The following YES1 variants were observed in gnomAD, a reference collection of about 807,000 sequenced individuals.
YES1 encodes tyrosine-protein kinase Yes.
In YES1, 39 loss-of-function variants were observed where a neutral mutation model predicts 70.4. That is an observed-to-expected ratio of 0.55 (90% CI 0.43 to 0.72). The LOEUF is 0.72. Among genes scored for constraint, YES1 ranks in the 30% least tolerant of loss-of-function variants. The pLI is 0.00. For missense variants in YES1, 495 were observed against 644.8 expected, an observed-to-expected ratio of 0.77 and a Z score of 2.52; for synonymous variants, 198 against 218.6, an observed-to-expected ratio of 0.91 and a Z score of 0.83.
chr18:765,652 C>T (rs1213151328), intron 1 of YES1, among the ~76,000 whole-genome samples: 2 of 152,100 alleles, frequency 1.3e-5, no homozygotes, highest in Non-Finnish European at 2.9e-5. Flanking sequence ...CCCACCCTGG[C>T]CTCTCAAAGT....
intron 2 of YES1, among the ~76,000 whole-genome samples, chr18:754,823 A>T (rs1317555635): frequency 1.3e-5 from 2 of 152,146 alleles, no homozygotes; most frequent in African/African-American, 4.8e-5. Context: ...ATAGCATTTA[A>T]GGATCATTAA....
At chr18:746,343 AC>A (rs1476955501) in intron 4 of YES1, among the ~76,000 whole-genome samples, 3 of 152,132 alleles carry the variant, frequency 2.0e-5, no homozygotes, top group Non-Finnish European at 4.4e-5. Flanking sequence ...AAAATAACAG[AC>A]CCTTTCTGTC....
Position 787,190 on chromosome 18 carries a change from C to T in YES1, c.-9+24924G>A, listed in dbSNP as rs1568214663. Among the ~76,000 whole-genome samples the T allele has an allele frequency of 4.8e-5, 7 of 145,718 alleles. No homozygotes were observed. The South Asian group carries it at 1.5e-3, about 32-fold the overall frequency. The stretch of plus-strand genomic sequence containing the variant: ...TCTCAGCTCACTGCAACCTCCACCT[C>T]CCGGGTTCAAGAGATTCTCCTGCCT... On this transcript the variant is annotated intron_variant, in intron 1 of 11. Transcript: ENST00000314574.
chr18:807,051 C>A (rs560599445), intron 1 of YES1, among the ~76,000 whole-genome samples: 61 of 152,326 alleles, frequency 4.0e-4, no homozygotes, highest in African/African-American at 1.4e-3. Flanking sequence ...AGGTGGACTG[C>A]TGGAGCCTAA....
intron 1 of YES1, among the ~76,000 whole-genome samples, chr18:784,179 G>A (rs781189639): frequency 6.6e-6 from 1 of 152,014 alleles, no homozygotes; most frequent in Admixed American, 6.6e-5. Context: ...TATTTAAGAA[G>A]AATTAAGATG....
chr18:800,141 T>C (rs563454492), intron 1 of YES1, among the ~76,000 whole-genome samples: 1 of 152,344 alleles, frequency 6.6e-6, no homozygotes, highest in South Asian at 2.1e-4. Context: ...AGTCTGCCAC[T>C]TCAAAGAGTC....
At chr18:765,284 A>C (rs1393077105) in intron 1 of YES1, among the ~76,000 whole-genome samples, 8 of 126,432 alleles carry the variant, frequency 6.3e-5, no homozygotes, top group African/African-American at 2.1e-4. Flanking sequence ...ATATATATAT[A>C]TATATATATC....
intron 8 of YES1, among the ~76,000 whole-genome samples, chr18:740,907 T>C (rs1315363673): frequency 1.3e-5 from 2 of 152,164 alleles, no homozygotes; most frequent in Admixed American, 6.5e-5. Context: ...TTAAAGTCTT[T>C]ATTTATTTGA....
intron 11 of YES1, among the ~76,000 whole-genome samples, chr18:729,910 C>A (rs558834846): frequency 2.0e-5 from 3 of 152,296 alleles, no homozygotes; most frequent in Non-Finnish European, 4.4e-5. Context: ...CAGGCGTGAG[C>A]CACAGCGCCC....
Position 739,724 on chromosome 18 carries a change from T to C in YES1, c.1137+11A>G, listed in dbSNP as rs200613073. 6 of 1,600,482 alleles carry C rather than the reference T, an allele frequency of 3.7e-6. No homozygotes were observed. The highest frequency in any genetic ancestry group is 5.1e-6 in the Non-Finnish European group (6 of 1,170,128). On this transcript the variant is annotated intron_variant, in intron 9 of 11. Transcript: ENST00000314574. ...TTTAATTCAAATGGATACATGTATA[T>C]ATACAGATACCTGAGCAGCCATATC...
At chr18:741,528 G>A (rs572174563) in intron 8 of YES1, among the ~76,000 whole-genome samples, 1 of 152,160 alleles carries the variant, frequency 6.6e-6, no homozygotes, top group Non-Finnish European at 1.5e-5. Context: ...TTTGGGCTGG[G>A]TGTGGTGGCT....
At position 721,966 on chromosome 18, in the gene YES1, T is replaced by C. The variant is rs2079957262; in HGVS notation, c.*2458A>G. The C allele has an allele frequency of 2.0e-5, 3 of 152,274 alleles. No homozygotes were observed. Among genetic ancestry groups the C allele is most frequent in the Non-Finnish European group, 4.4e-5 (3 of 68,004 alleles). The allele number at this position is 152,274 out of a possible 1,614,324, so 9.4% of individuals were successfully genotyped here. A position where few individuals can be genotyped will look rare whatever the true frequency, so the allele number is the denominator to read the frequency against. The stretch of plus-strand genomic sequence containing the variant: ...CTCCAAATTTACAAAGTTGTTTTTC[T>C]TGGCAATTTAAAAATACAGAACAAT... On this transcript the variant is annotated 3_prime_UTR_variant, in exon 12 of 12. Coordinates refer to ENST00000314574, the MANE Select transcript of YES1 (RefSeq NM_005433.4).
chr18:805,049 T>C (rs912455440), intron 1 of YES1, among the ~76,000 whole-genome samples: 5 of 152,216 alleles, frequency 3.3e-5, no homozygotes, highest in East Asian at 3.8e-4. Context: ...TTATATCTAA[T>C]GTGATTCCAA....
chr18:808,380 T>A (rs926030415), intron 1 of YES1, among the ~76,000 whole-genome samples: 1 of 152,162 alleles, frequency 6.6e-6, no homozygotes, highest in Non-Finnish European at 1.5e-5. Context: ...AGCCTAATTG[T>A]GGCACTGGAG....
chr18:812,291 G>C (rs1344488407), upstream of YES1: 2 of 149,480 alleles, frequency 1.3e-5, no homozygotes, highest in Non-Finnish European at 3.0e-5. Context: ...GAGTTCCCGG[G>C]CTCCCCACGC....
intron 1 of YES1, among the ~76,000 whole-genome samples, chr18:780,695 C>G (rs1905614696): frequency 6.6e-6 from 1 of 152,162 alleles, no homozygotes; most frequent in African/African-American, 2.4e-5. Context: ...GCCCTGTAAT[C>G]TCTAGAATTC....
intron 2 of YES1, among the ~76,000 whole-genome samples, chr18:755,374 G>A (rs1038484372): frequency 6.6e-5 from 10 of 151,476 alleles, no homozygotes; most frequent in Non-Finnish European, 1.2e-4. Context: ...TCAGCCTCCC[G>A]AGTAGCTGGG....
intron 1 of YES1, among the ~76,000 whole-genome samples, chr18:796,079 TA>T (rs1361644175): frequency 6.6e-6 from 1 of 152,146 alleles, no homozygotes; most frequent in Non-Finnish European, 1.5e-5. Context: ...CCTTCCTACA[TA>T]AATCTAAGTA....
intron 1 of YES1, among the ~76,000 whole-genome samples, chr18:799,316 A>C (rs752858699): frequency 1.6e-4 from 24 of 152,264 alleles, no homozygotes; most frequent in Non-Finnish European, 3.5e-4. Context: ...CCTGCTAGAA[A>C]CTATTTTTTC....
Sources: gnomAD v4.1 joint callset for allele counts (sites outside exome capture counted in the v4.1 genomes callset) on GRCh38, gnomAD v4.1.1 for gene constraint, MANE v1.5 for transcripts, NCBI Gene and HGNC (gene_info 2026-07-23, HGNC 2026-07-21) for gene names.